The following ABL2 variants were observed in gnomAD, a reference collection of about 807,000 sequenced individuals.
ABL2 encodes the protein ABL proto-oncogene 2, non-receptor tyrosine kinase.
Under a neutral mutation model 107.7 loss-of-function variants are expected in ABL2, and 49 were observed. The ratio of observed to expected loss-of-function variants is 0.45; its 90% CI spans 0.36 to 0.58. ABL2 has a LOEUF of 0.58. Among genes scored for constraint, ABL2 ranks in the 20% least tolerant of loss-of-function variants. The probability of loss-of-function intolerance (pLI) is 0.00; values close to 1 mark genes in which losing one functional copy is unlikely to be tolerated. For missense variants in ABL2, 1,245 were observed against 1,457.0 expected (o/e 0.85, Z 2.37); for synonymous variants, 549 against 548.6 (o/e 1.00, Z -0.01).
chr1:179,109,587 T>C (rs1211183964), intron 11 of ABL2, 146 bp from the exon 12 acceptor site: 2 of 1,314,742 alleles, frequency 1.5e-6, no homozygotes, highest in East Asian at 2.5e-5. Flanking sequence ...AAATACATTA[T>C]CATTTCACAG....
chr1:179,112,456 T>G (rs1245579775), intron 9 of ABL2, 58 bp from the exon 10 acceptor site: 2 of 1,378,062 alleles, frequency 1.5e-6, no homozygotes, highest in Admixed American at 3.5e-5. Flanking sequence ...TATCCAGTGG[T>G]GTATCTAATA....
chr1:179,101,682 TC>T lies in ABL2; in HGVS notation c.*6035del. 1 of 180,636 alleles carries T rather than the reference TC, an allele frequency of 5.5e-6. No homozygotes were observed. The highest frequency in any genetic ancestry group is 9.1e-5 in the East Asian group (1 of 10,960). 11.2% of individuals were successfully genotyped at this position (180,636 alleles called of 1,614,324 possible). On this transcript the variant is annotated 3_prime_UTR_variant, in exon 12 of 12. Transcript: ENST00000502732. ...CACTGTGCCCAGCCAAAAGGTATCA[TC>T]TTGTACATACTCAAGATAGAATACA...
intron 1 of ABL2, among the ~76,000 whole-genome samples, chr1:179,216,521 T>C (rs970634454): frequency 6.6e-6 from 1 of 152,172 alleles, no homozygotes; most frequent in African/African-American, 2.4e-5. Context: ...TCTGTCTAAA[T>C]TGTATCTAAA....
At chr1:179,179,484 C>G (rs1484320277) in intron 1 of ABL2, among the ~76,000 whole-genome samples, 1 of 150,780 alleles carries the variant, frequency 6.6e-6, no homozygotes, top group African/African-American at 2.4e-5. Flanking sequence ...ATAGAAAGTA[C>G]CTAGGAAGAA....
At chr1:179,226,311 T>C (rs903672999) in intron 1 of ABL2, among the ~76,000 whole-genome samples, 13 of 96,354 alleles carry the variant, frequency 1.3e-4, no homozygotes, top group African/African-American at 1.1e-4. Context: ...TTATCCCTAC[T>C]TTTTTTTTTT....
intron 1 of ABL2, chr1:179,184,360 G>A: frequency 3.0e-6 from 2 of 666,532 alleles, no homozygotes; most frequent in Non-Finnish European, 5.0e-6. Flanking sequence ...TGGAAAGCTG[G>A]AAAGGATGCG....
At chr1:179,209,827 A>G (rs1662166496) in intron 1 of ABL2, among the ~76,000 whole-genome samples, 1 of 152,176 alleles carries the variant, frequency 6.6e-6, no homozygotes, top group Non-Finnish European at 1.5e-5. Flanking sequence ...AATGACCCAA[A>G]ATGGCCAGCT....
intron 10 of ABL2, chr1:179,110,883 T>C: frequency 6.2e-7 from 1 of 1,613,470 alleles, no homozygotes; most frequent in Non-Finnish European, 8.5e-7. Context: ...TCAGGTTTAT[T>C]AGGCCCTGCC....
At chr1:179,161,467 T>C (rs948119814) in intron 1 of ABL2, among the ~76,000 whole-genome samples, 1 of 152,112 alleles carries the variant, frequency 6.6e-6, no homozygotes, top group Non-Finnish European at 1.5e-5. Context: ...CCTGTAATTC[T>C]GGCACTTTGG....
chr1:179,183,404 G>C (rs1185972803), intron 1 of ABL2, among the ~76,000 whole-genome samples: 1 of 152,072 alleles, frequency 6.6e-6, no homozygotes, highest in East Asian at 1.9e-4. Flanking sequence ...AGATAAATAT[G>C]TATCCCTAGA....
intron 1 of ABL2, chr1:179,137,667 CAT>C (rs1657162275): frequency 6.6e-6 from 1 of 152,162 alleles, no homozygotes; most frequent in East Asian, 1.9e-4. Flanking sequence ...CAGCAAATGT[CAT>C]ATAGTTATAC....
chr1:179,197,308 A>G (rs1661373887), intron 1 of ABL2, among the ~76,000 whole-genome samples: 1 of 152,156 alleles, frequency 6.6e-6, no homozygotes, highest in African/African-American at 2.4e-5. Flanking sequence ...GTCTACAGAA[A>G]GGACAATTAT....
At chr1:179,136,124 G>A (rs1210946577) in intron 1 of ABL2, among the ~76,000 whole-genome samples, 5 of 149,396 alleles carry the variant, frequency 3.3e-5, no homozygotes, top group Admixed American at 6.6e-5. Context: ...CACCCCGTCC[G>A]GGAGGTGAGG....
intron 1 of ABL2, among the ~76,000 whole-genome samples, chr1:179,151,851 T>G (rs966260992): frequency 6.6e-6 from 1 of 152,212 alleles, no homozygotes; most frequent in African/African-American, 2.4e-5. Context: ...ACTATCTAAG[T>G]TGTTATCACC....
chr1:179,229,167 T>TACCCCCCCCCC, intron 1 of ABL2, 74 bp downstream of exon 1: 2 of 402,572 alleles, frequency 5.0e-6, no homozygotes, highest in Non-Finnish European at 9.3e-6. Flanking sequence ...GGGCAGCCCG[T>TACCCCCCCCCC]CCGCCACCCA....
At chr1:179,189,895 A>G (rs1660899790) in intron 1 of ABL2, among the ~76,000 whole-genome samples, 1 of 151,242 alleles carries the variant, frequency 6.6e-6, no homozygotes, top group Non-Finnish European at 1.5e-5. Flanking sequence ...ATCTCGGCTC[A>G]TGGCAACCTC....
chr1:179,156,930 TAAAA>T (rs1658729220), intron 1 of ABL2, among the ~76,000 whole-genome samples: 2 of 140,288 alleles, frequency 1.4e-5, no homozygotes, highest in South Asian at 2.2e-4. Flanking sequence ...AATAAATAAA[TAAAA>T]CTCTATTAAA....
At chr1:179,210,480 T>C (rs530301107) in intron 1 of ABL2, among the ~76,000 whole-genome samples, 3 of 116,900 alleles carry the variant, frequency 2.6e-5, no homozygotes, top group Non-Finnish European at 3.3e-5. Context: ...ACTCCAACAG[T>C]GATAGAGCAA....
At position 179,124,776 on chromosome 1, in the gene ABL2, C is replaced by CTA. The variant is rs1412659247; in HGVS notation, c.687+1599_687+1600dup. On this transcript the variant is annotated intron_variant, in intron 4 of 11. Coordinates refer to ENST00000502732, the MANE Select transcript of ABL2 (RefSeq NM_007314.4). The stretch of plus-strand genomic sequence containing the variant: ...ACCATGCCTGGCCTCTGCTTCTGAA[C>CTA]TATACACAAACAGAATCACACAATA... 7.2e-5 allele frequency among the ~76,000 whole-genome samples: 11 copies of CTA among 152,224 alleles called. No individual in the cohort carries two copies. In the South Asian group the frequency reaches 1.9e-3, roughly 26 times the overall value.
Sources: allele counts gnomAD v4.1 joint callset (sites outside exome capture counted in the v4.1 genomes callset), GRCh38; gene constraint gnomAD v4.1.1; transcripts MANE v1.5; gene names NCBI Gene and HGNC (gene_info 2026-07-23, HGNC 2026-07-21).